The following CSMD1 variants were observed in gnomAD, a reference collection of about 807,000 sequenced individuals.
CSMD1 encodes CUB and Sushi multiple domains 1.
In CSMD1, 213 loss-of-function variants were observed where a neutral mutation model predicts 417.5. The ratio of observed to expected loss-of-function variants is 0.51; its 90% CI spans 0.46 to 0.57. CSMD1 has a LOEUF of 0.57. Among genes scored for constraint, CSMD1 ranks in the 20% least tolerant of loss-of-function variants. CSMD1 has a pLI of 0.00. For synonymous variants in CSMD1, 2,862 were observed against 1,736.8 expected, an observed-to-expected ratio of 1.65 and a Z score of -16.11; for missense variants, 6,923 against 4,529.7, an observed-to-expected ratio of 1.53 and a Z score of -15.17.
At chr8:4,457,951 G>C (rs1029529514) in intron 2 of CSMD1, among the ~76,000 whole-genome samples, 1 of 152,134 alleles carries the variant, frequency 6.6e-6, no homozygotes, top group Non-Finnish European at 1.5e-5. Flanking sequence ...AACCCAGGCA[G>C]AAAAACCCAG....
chr8:3,341,974 G>C (rs1359141582), intron 23 of CSMD1, among the ~76,000 whole-genome samples: 3 of 152,124 alleles, frequency 2.0e-5, no homozygotes, highest in African/African-American at 7.2e-5. Context: ...GGTTTTACAA[G>C]AGCTCTTTGA....
In CSMD1 at chr8:4,144,067, G is replaced by T. The variant is rs530593435; in HGVS notation, c.416-111968C>A. On this transcript the variant is annotated intron_variant, in intron 3 of 69. Transcript: ENST00000635120. ...TTTGTTGTTAGGAAATGGGGAGACGGAAGTTTTTCCTTTCCATTAACTTTA... is the reference window on the plus strand; with the variant it reads ...TTTGTTGTTAGGAAATGGGGAGACGTAAGTTTTTCCTTTCCATTAACTTTA... 5.1e-3 allele frequency among the ~76,000 whole-genome samples: 772 copies of T among 151,312 alleles called. 6 individuals are homozygous for T. Among genetic ancestry groups the T allele is most frequent in the South Asian group, 0.018 (85 of 4,822 alleles).
At chr8:3,663,811 G>A (rs1029393763) in intron 7 of CSMD1, among the ~76,000 whole-genome samples, 8 of 151,968 alleles carry the variant, frequency 5.3e-5, no homozygotes, top group African/African-American at 1.9e-4. Flanking sequence ...AATGTGTAAA[G>A]CCAAACTATA....
At chr8:3,863,516 C>G (rs1023165773) in intron 5 of CSMD1, among the ~76,000 whole-genome samples, 1 of 151,996 alleles carries the variant, frequency 6.6e-6, no homozygotes, top group Non-Finnish European at 1.5e-5. Context: ...ATATTGGGCT[C>G]CAACATTCAA....
At chr8:3,112,454 G>A (rs1435377600) in intron 42 of CSMD1, among the ~76,000 whole-genome samples, 1 of 152,182 alleles carries the variant, frequency 6.6e-6, no homozygotes, top group African/African-American at 2.4e-5. Flanking sequence ...AAGAAATGAG[G>A]TGGTGATTTT....
At chr8:3,936,868 G>T (rs1443321936) in intron 5 of CSMD1, among the ~76,000 whole-genome samples, 1 of 152,126 alleles carries the variant, frequency 6.6e-6, no homozygotes, top group African/African-American at 2.4e-5. Context: ...GCTAGACAAG[G>T]TAAAACAAAA....
chr8:4,912,122 C>CAAAAAAAAAAAA (rs36194482), intron 1 of CSMD1, among the ~76,000 whole-genome samples: 12 of 84,576 alleles, frequency 1.4e-4, no homozygotes, highest in African/African-American at 2.8e-4. Flanking sequence ...AACATAGCTT[C>CAAAAAAAAAAAA]AAAAAAAAAA....
chr8:3,354,125 CTATT>C (rs1457028224), intron 21 of CSMD1, among the ~76,000 whole-genome samples: 27 of 152,168 alleles, frequency 1.8e-4, no homozygotes, highest in Admixed American at 3.9e-4. Context: ...CATTAAATAA[CTATT>C]TATTTAATTA....
chr8:4,168,696 C>G (rs1400057873), intron 3 of CSMD1, among the ~76,000 whole-genome samples: 1 of 152,176 alleles, frequency 6.6e-6, no homozygotes, highest in Middle Eastern at 3.4e-3. Flanking sequence ...GTTATTAATT[C>G]TTTTTTAAAA....
At chr8:4,600,508 A>G (rs987887799) in intron 2 of CSMD1, among the ~76,000 whole-genome samples, 1 of 152,176 alleles carries the variant, frequency 6.6e-6, no homozygotes, top group African/African-American at 2.4e-5. Flanking sequence ...AAATATATAC[A>G]TCTGTTTTTG....
intron 18 of CSMD1, among the ~76,000 whole-genome samples, chr8:3,369,611 G>T (rs1051711437): frequency 6.6e-6 from 1 of 152,156 alleles, no homozygotes; most frequent in Non-Finnish European, 1.5e-5. Context: ...CACAGCAGGA[G>T]AGCTGGAACC....
chr8:4,804,780 A>G (rs941660297), intron 1 of CSMD1, among the ~76,000 whole-genome samples: 22 of 152,232 alleles, frequency 1.4e-4, no homozygotes, highest in African/African-American at 4.3e-4. Flanking sequence ...TTCTGTTTAC[A>G]TGATACAATT....
chr8:4,888,457 G>A (rs184911023), intron 1 of CSMD1, among the ~76,000 whole-genome samples: 1 of 151,390 alleles, frequency 6.6e-6, no homozygotes, highest in Non-Finnish European at 1.5e-5. Flanking sequence ...ATATTGTTTT[G>A]CACGTATAGG....
At chr8:3,158,684 T>C (rs1301113842) in intron 38 of CSMD1, among the ~76,000 whole-genome samples, 1 of 152,082 alleles carries the variant, frequency 6.6e-6, no homozygotes, top group Non-Finnish European at 1.5e-5. Flanking sequence ...AGATGTTTTG[T>C]GCTAACATCT....
intron 3 of CSMD1, among the ~76,000 whole-genome samples, chr8:4,337,699 TAA>T (rs979695081): frequency 5.3e-5 from 8 of 152,138 alleles, no homozygotes; most frequent in Non-Finnish European, 1.0e-4. Flanking sequence ...TGCCAACTTT[TAA>T]AAGAGTACAC....
intron 1 of CSMD1, among the ~76,000 whole-genome samples, chr8:4,857,112 T>G (rs1284783067): frequency 6.6e-6 from 1 of 150,772 alleles, no homozygotes; most frequent in Admixed American, 6.6e-5. Context: ...ATTAAGAATC[T>G]CACTCACAAC....
At chr8:4,210,076 A>T (rs1447610029) in intron 3 of CSMD1, among the ~76,000 whole-genome samples, 1 of 152,018 alleles carries the variant, frequency 6.6e-6, no homozygotes, top group East Asian at 1.9e-4. Context: ...CCCACCTCCT[A>T]CCTCACCAGC....
intron 12 of CSMD1, among the ~76,000 whole-genome samples, chr8:3,461,957 C>A (rs535342205): frequency 4.9e-4 from 75 of 152,292 alleles, no homozygotes; most frequent in Non-Finnish European, 9.6e-4. Context: ...ATGGGCCGGA[C>A]AGGAGGGTGG....
At position 4,339,717 on chromosome 8, in the gene CSMD1, A is replaced by G. The variant is rs1378894681; in HGVS notation, c.415+80236T>C. ...TTTGAGTGAGTGAGAAGAAAATGAA[A>G]GAGGACGGTATACGAAGTAGAAAAA... On this transcript the variant is annotated intron_variant, in intron 3 of 69. Transcript: ENST00000635120. Among the ~76,000 whole-genome samples the G allele has an allele frequency of 3.3e-5, 5 of 152,102 alleles. No homozygotes were observed. In the East Asian group the frequency reaches 9.7e-4, roughly 29 times the overall value.
Sources: allele counts gnomAD v4.1 joint callset (sites outside exome capture counted in the v4.1 genomes callset), GRCh38; gene constraint gnomAD v4.1.1; transcripts MANE v1.5; gene names NCBI Gene and HGNC (gene_info 2026-07-23, HGNC 2026-07-21).